Variants in DNAH8 observed in about 807,000 individuals in gnomAD.
DNAH8 encodes axonemal beta dynein heavy chain 8.
DNAH8 carries 382 observed loss-of-function variants against 562.1 expected under a neutral mutation model. The observed-to-expected ratio is 0.68, with a 90% CI of 0.63 to 0.74. The LOEUF is 0.74. Among genes scored for constraint, DNAH8 ranks in the 30% least tolerant of loss-of-function variants. The pLI, the probability that DNAH8 is intolerant of heterozygous loss-of-function variation, is 0.00. For synonymous variants in DNAH8, 1,881 were observed against 1,919.4 expected (o/e 0.98, Z 0.52); for missense variants, 5,203 against 5,620.4 (o/e 0.93, Z 2.37).
At chr6:38,802,400 C>T (rs745586793) in intron 21 of DNAH8, among the ~76,000 whole-genome samples, 3 of 152,204 alleles carry the variant, frequency 2.0e-5, no homozygotes, top group Non-Finnish European at 2.9e-5. Context: ...CAAGACACTG[C>T]ATCCAACTAC....
intron 62 of DNAH8, among the ~76,000 whole-genome samples, chr6:38,900,435 C>T (rs895254723): frequency 2.6e-5 from 4 of 152,130 alleles, no homozygotes; most frequent in African/African-American, 9.7e-5. Flanking sequence ...TATTCTTGTA[C>T]ATGTCTGAGT....
At chr6:38,817,462 G>T (rs575564417) in intron 26 of DNAH8, among the ~76,000 whole-genome samples, 1 of 152,148 alleles carries the variant, frequency 6.6e-6, no homozygotes, top group Non-Finnish European at 1.5e-5. Context: ...TTACATCTGT[G>T]GTCTCATGGG....
rs143937932 is a variant in DNAH8, at chr6:38,877,716, T to C, written c.7858+1888T>C. On this transcript the variant is annotated intron_variant, in intron 53 of 92. Transcript: ENST00000327475. Reference sequence around the variant, plus strand: ...TAATTTTTTTATGGACATTAACATCTTTGGAGAAGACTTCATTCATAGATT... The same window carrying C: ...TAATTTTTTTATGGACATTAACATCCTTGGAGAAGACTTCATTCATAGATT... Among the ~76,000 whole-genome samples, 428 of 152,306 alleles carry C rather than the reference T, an allele frequency of 2.8e-3. 3 individuals are homozygous for C. Among genetic ancestry groups the C allele is most frequent in the African/African-American group, 0.01 (416 of 41,556 alleles).
intron 26 of DNAH8, among the ~76,000 whole-genome samples, chr6:38,816,062 G>GTTTTATTTTA (rs10585359): frequency 6.7e-5 from 10 of 149,720 alleles, no homozygotes; most frequent in African/African-American, 2.5e-4. Flanking sequence ...ATTTTATTTT[G>GTTTTATTTTA]TTTTATTTTA....
chr6:38,973,786 T>G lies in DNAH8; in HGVS notation c.12651T>G (p.His4217Gln). 1 of 1,606,430 alleles carries G rather than the reference T, an allele frequency of 6.2e-7. No individual in the cohort carries two copies. The highest frequency in any genetic ancestry group is 1.7e-4 in the Middle Eastern group (1 of 6,030). Residue 4217 changes from histidine (H) to glutamine (Q), a missense_variant, in exon 84 of 93, where the codon CAT becomes CAG. By Grantham distance (24) the His-to-Gln change is conservative (BLOSUM62 0). Transcript: ENST00000327475. ...GAGTATGGATAACTACGGAGCCCCA[T>G]GATCGATTTCCAATTACATTGCTTC... ...SFRVWITTEP[H>Q]DRFPITLLQT...
intron 82 of DNAH8, among the ~76,000 whole-genome samples, 167 bp downstream of exon 82, chr6:38,951,687 A>G (rs1257198589): frequency 6.6e-6 from 1 of 152,150 alleles, no homozygotes; most frequent in Non-Finnish European, 1.5e-5. Context: ...AAGTGAGGGT[A>G]TGATATAGGT....
At chr6:38,719,728 C>T (rs1212336829) in intron 1 of DNAH8, among the ~76,000 whole-genome samples, 1 of 152,166 alleles carries the variant, frequency 6.6e-6, no homozygotes, top group Non-Finnish European at 1.5e-5. Flanking sequence ...AGAGGAATGC[C>T]TGGGCTGCTG....
chr6:38,913,439 C>CA (rs1392740521), intron 66 of DNAH8, among the ~76,000 whole-genome samples: 3 of 152,032 alleles, frequency 2.0e-5, no homozygotes, highest in Admixed American at 2.0e-4. Flanking sequence ...CAAAGAGAAC[C>CA]ACAAAAATGT....
chr6:38,752,006 A>G (rs1371361134), intron 9 of DNAH8, among the ~76,000 whole-genome samples: 2 of 152,234 alleles, frequency 1.3e-5, no homozygotes, highest in African/African-American at 4.8e-5. Flanking sequence ...CATTTCAAAG[A>G]TTAGGAAACC....
intron 82 of DNAH8, among the ~76,000 whole-genome samples, chr6:38,961,503 C>T (rs980525483): frequency 1.3e-5 from 2 of 151,802 alleles, no homozygotes; most frequent in African/African-American, 4.8e-5. Context: ...CAAATAATAA[C>T]GTGCCTTCAC....
rs759513101 is a variant in DNAH8 at position 39,012,360 on chromosome 6, T to C, written c.13517T>C (p.Met4506Thr). ...TTGGCCATTGAAGGAACAATCATTA[T>C]GAGTGAGGTGAGCTGTTATTACATC... Reference protein sequence around the residue: ...LKLAIEGTIIMSENLRDALDN... With the variant: ...LKLAIEGTIITSENLRDALDN... Residue 4506 changes from methionine (M) to threonine (T), a missense_variant, in exon 90 of 93, where the codon ATG becomes ACG. Met to Thr is a moderately conservative substitution (Grantham distance 81, BLOSUM62 -1). Coordinates refer to ENST00000327475, the MANE Select transcript of DNAH8 (RefSeq NM_001206927.2). 2 of 1,612,130 alleles carry C rather than the reference T, an allele frequency of 1.2e-6. No individual in the cohort carries two copies. The highest frequency in any genetic ancestry group is 2.2e-5 in the South Asian group (2 of 90,922).
intron 43 of DNAH8, among the ~76,000 whole-genome samples, chr6:38,861,949 G>GTTTTTGT (rs1554231781): frequency 4.5e-5 from 6 of 134,690 alleles, no homozygotes; most frequent in South Asian, 2.3e-4. Flanking sequence ...TGAAAACCAG[G>GTTTTTGT]TTTTTTTTTT....
intron 68 of DNAH8, 126 bp from the exon 69 acceptor site, chr6:38,917,113 A>C: frequency 1.5e-6 from 1 of 654,008 alleles, no homozygotes; most frequent in Admixed American, 3.8e-5. Flanking sequence ...CTAAGCAAAA[A>C]TCTTGGAAAT....
intron 82 of DNAH8, among the ~76,000 whole-genome samples, chr6:38,955,342 G>A (rs1199107136): frequency 6.6e-6 from 1 of 151,436 alleles, no homozygotes; most frequent in African/African-American, 2.4e-5. Flanking sequence ...ATAAAAGAAA[G>A]AAAACTGGCT....
intron 82 of DNAH8, among the ~76,000 whole-genome samples, chr6:38,961,059 T>C (rs1040309445): frequency 4.6e-5 from 7 of 151,984 alleles, no homozygotes; most frequent in African/African-American, 1.7e-4. Flanking sequence ...CGGTGGGCAT[T>C]ATCCTAAATG....
Position 39,000,143 on chromosome 6 carries a change from G to C in DNAH8, c.13215-8671G>C, listed in dbSNP as rs185655049. ...AACATTTGTTGAGAACTTACTGTCT[G>C]GCTAACCTGGGGATACAAAGATGAG... On this transcript the variant is annotated intron_variant, in intron 88 of 92. Transcript: ENST00000327475. 8.8e-4 allele frequency among the ~76,000 whole-genome samples: 134 copies of C among 152,316 alleles called. No individual in the cohort carries two copies. In the Middle Eastern group the frequency reaches 0.01, roughly 12 times the overall value.
chr6:38,732,440 A>G (rs1389815898), intron 4 of DNAH8, among the ~76,000 whole-genome samples: 1 of 152,180 alleles, frequency 6.6e-6, no homozygotes, highest in Admixed American at 6.5e-5. Flanking sequence ...TGGAGCCTCT[A>G]TGAATGGGCA....
intron 64 of DNAH8, 55 bp from the exon 65 acceptor site, chr6:38,909,463 G>A: frequency 6.5e-7 from 1 of 1,533,778 alleles, no homozygotes; most frequent in East Asian, 2.3e-5. Flanking sequence ...ATCTCTCTCT[G>A]GCTGACTTAT....
chr6:38,750,452 A>T (rs745367658), intron 8 of DNAH8, 24 bp from the exon 9 acceptor site: 31 of 1,534,924 alleles, frequency 2.0e-5, no homozygotes, highest in Non-Finnish European at 2.7e-5. Flanking sequence ...TGTTTCATAG[A>T]ATTCTTATAC....
Sources: gnomAD v4.1 joint callset for allele counts (sites outside exome capture counted in the v4.1 genomes callset) on GRCh38, gnomAD v4.1.1 for gene constraint, MANE v1.5 for transcripts, NCBI Gene and HGNC (gene_info 2026-07-23, HGNC 2026-07-21) for gene names.